Variants in SOX5 observed in about 807,000 individuals in gnomAD.
SOX5 encodes transcription factor SOX-5.
In SOX5, 9 loss-of-function variants were observed where a neutral mutation model predicts 92.0. That is an observed-to-expected ratio of 0.10 (90% CI 0.06 to 0.17). SOX5 has a LOEUF of 0.17. Ranked by LOEUF, SOX5 falls within the 10% of genes least tolerant of loss-of-function variation. The pLI is 1.00. For missense variants in SOX5, 642 were observed against 944.5 expected (o/e 0.68, Z 4.20); for synonymous variants, 344 against 336.3 (o/e 1.02, Z -0.25).
intron 2 of SOX5, among the ~76,000 whole-genome samples, chr12:23,861,355 T>A (rs1221740892): frequency 6.6e-6 from 1 of 152,166 alleles, no homozygotes; most frequent in Non-Finnish European, 1.5e-5. Context: ...GTGACAGTAT[T>A]TTCATTCCCA....
At chr12:24,497,855 C>T (rs543408108) in intron 1 of SOX5, among the ~76,000 whole-genome samples, 2 of 152,226 alleles carry the variant, frequency 1.3e-5, no homozygotes, top group East Asian at 3.9e-4. Context: ...TGCACCATGG[C>T]ATACTATGCA....
chr12:24,031,289 G>C (rs913440736), intron 4 of SOX5, among the ~76,000 whole-genome samples: 1 of 151,546 alleles, frequency 6.6e-6, no homozygotes, highest in Non-Finnish European at 1.5e-5. Context: ...CAATAGCCAA[G>C]ATACAGAGTC....
At chr12:24,531,065 T>C (rs1356267025) in intron 1 of SOX5, among the ~76,000 whole-genome samples, 1 of 152,204 alleles carries the variant, frequency 6.6e-6, no homozygotes, top group African/African-American at 2.4e-5. Flanking sequence ...TTACTGTTTA[T>C]CCGTGGAAAT....
chr12:23,790,326 C>T (rs368947515), intron 3 of SOX5, among the ~76,000 whole-genome samples: 30 of 152,008 alleles, frequency 2.0e-4, no homozygotes, highest in South Asian at 1.7e-3. Flanking sequence ...AATATACATA[C>T]GCATGTATTA....
Position 24,355,282 on chromosome 12 carries a change from C to CTTTTTTTTTTT in SOX5, c.-174+13270_-174+13280dup, listed in dbSNP as rs768157437. ...TTAGCAGGTGTGGTGAGGGGTGCAT[C>CTTTTTTTTTTT]TTTTTTTTTTTTTTTTTTTTTTTTT... On this transcript the variant is annotated intron_variant, in intron 2 of 4. Coordinates refer to the SOX5 transcript ENST00000446891. Among the ~76,000 whole-genome samples the CTTTTTTTTTTT allele has an allele frequency of 4.3e-4, 31 of 71,932 alleles. 2 individuals carry two copies. The highest frequency in any genetic ancestry group is 5.9e-4 in the African/African-American group (8 of 13,614). The allele number at this position is 71,932 out of a possible 152,430, so 47.2% of individuals were successfully genotyped here.
At chr12:24,500,015 T>A (rs551038330) in intron 1 of SOX5, among the ~76,000 whole-genome samples, 12 of 152,272 alleles carry the variant, frequency 7.9e-5, no homozygotes, top group African/African-American at 2.9e-4. Flanking sequence ...AGGCCTCAAA[T>A]TCTTTCAGAA....
chr12:24,297,741 A>C (rs546719756), intron 2 of SOX5, among the ~76,000 whole-genome samples: 91 of 152,328 alleles, frequency 6.0e-4, no homozygotes, highest in Non-Finnish European at 1.1e-3. Context: ...GTGACTGCTC[A>C]GAACATTCTC....
chr12:23,663,545 A>C (rs2083358641), intron 7 of SOX5, among the ~76,000 whole-genome samples: 1 of 152,180 alleles, frequency 6.6e-6, no homozygotes, highest in Non-Finnish European at 1.5e-5. Context: ...TGCTTTAAAA[A>C]ACTTTTTTGT....
intron 4 of SOX5, among the ~76,000 whole-genome samples, chr12:24,196,763 C>T (rs943540165): frequency 5.3e-5 from 8 of 151,978 alleles, no homozygotes; most frequent in Non-Finnish European, 8.8e-5. Context: ...ATGAGCCAGG[C>T]GTGGTGGTGC....
At chr12:23,846,897 C>T (rs138566714) in intron 2 of SOX5, among the ~76,000 whole-genome samples, 67 of 152,102 alleles carry the variant, frequency 4.4e-4, no homozygotes, top group Admixed American at 1.0e-3. Flanking sequence ...CCTCATTTGC[C>T]CTATAAAATA....
chr12:24,274,833 C>T (rs984266815), intron 3 of SOX5, among the ~76,000 whole-genome samples: 1 of 151,942 alleles, frequency 6.6e-6, no homozygotes, highest in African/African-American at 2.4e-5. Context: ...CAGTACTCAA[C>T]CTCTTCCACT....
intron 3 of SOX5, among the ~76,000 whole-genome samples, chr12:24,230,088 A>G (rs1963044520): frequency 6.6e-6 from 1 of 152,166 alleles, no homozygotes; most frequent in Non-Finnish European, 1.5e-5. Flanking sequence ...GCCATCACTC[A>G]GATTGGCCTT....
chr12:24,437,421 C>G (rs1199256732), intron 1 of SOX5, among the ~76,000 whole-genome samples: 1 of 152,160 alleles, frequency 6.6e-6, no homozygotes, highest in African/African-American at 2.4e-5. Context: ...ACAAAGACTT[C>G]ATGACTAAAA....
intron 3 of SOX5, among the ~76,000 whole-genome samples, chr12:23,829,266 G>A (rs144680111): frequency 6.6e-6 from 1 of 152,170 alleles, no homozygotes; most frequent in Non-Finnish European, 1.5e-5. Flanking sequence ...GTCCTGACAA[G>A]TGCCTCAAGG....
chr12:24,232,622 T>G (rs1168068845), intron 3 of SOX5, among the ~76,000 whole-genome samples: 1 of 152,190 alleles, frequency 6.6e-6, no homozygotes, highest in Non-Finnish European at 1.5e-5. Flanking sequence ...TAAGAATGAC[T>G]TGATATGAGT....
intron 1 of SOX5, among the ~76,000 whole-genome samples, chr12:24,537,720 C>A (rs1372848646): frequency 1.3e-5 from 2 of 152,196 alleles, no homozygotes; most frequent in African/African-American, 4.8e-5. Flanking sequence ...AAATACTCAA[C>A]GCCATTTCAT....
rs189446048 is a variant in SOX5 at position 24,084,160 on chromosome 12, G to A, written c.-2+129183C>T. ...ACATTAGTCTGGATGTATCTATAAG[G>A]TTGAACTATGTGAAACTGCCAATCT... is the stretch of plus-strand genomic sequence containing the variant. On this transcript the variant is annotated intron_variant, in intron 4 of 4. Coordinates refer to the SOX5 transcript ENST00000446891. 3.4e-4 allele frequency among the ~76,000 whole-genome samples: 52 copies of A among 152,158 alleles called. No individual in the cohort carries two copies. The East Asian group carries it at 9.5e-3, about 28-fold the overall frequency.
intron 2 of SOX5, among the ~76,000 whole-genome samples, chr12:24,322,749 G>A (rs1595567174): frequency 6.6e-6 from 1 of 152,130 alleles, no homozygotes; most frequent in Non-Finnish European, 1.5e-5. Flanking sequence ...GCATTACATA[G>A]TCAACCTTTA....
At chr12:23,768,349 C>A (rs2094808512) in intron 3 of SOX5, among the ~76,000 whole-genome samples, 2 of 152,050 alleles carry the variant, frequency 1.3e-5, no homozygotes, top group African/African-American at 4.8e-5. Flanking sequence ...CGCTGGGAAT[C>A]TTCTCTAAGG....
Sources: gnomAD v4.1 joint callset for allele counts (sites outside exome capture counted in the v4.1 genomes callset) on GRCh38, gnomAD v4.1.1 for gene constraint, MANE v1.5 for transcripts, NCBI Gene and HGNC (gene_info 2026-07-23, HGNC 2026-07-21) for gene names.